The following CDYL2 variants were observed in gnomAD, a reference collection of about 807,000 sequenced individuals.
CDYL2 encodes the protein chromodomain Y-like protein 2.
CDYL2 carries 23 observed loss-of-function variants against 49.4 expected under a neutral mutation model. The ratio of observed to expected loss-of-function variants is 0.47; its 90% CI spans 0.34 to 0.66. The LOEUF is 0.66. Ranked by LOEUF, CDYL2 falls within the 30% of genes least tolerant of loss-of-function variation. The probability of loss-of-function intolerance (pLI) is 0.01; values close to 1 mark genes in which losing one functional copy is unlikely to be tolerated. For missense variants in CDYL2, 678 were observed against 656.4 expected (o/e 1.03, Z -0.36); for synonymous variants, 360 against 268.8 (o/e 1.34, Z -3.32).
intron 1 of CDYL2, among the ~76,000 whole-genome samples, chr16:80,797,973 C>CA (rs1435507847): frequency 4.6e-5 from 7 of 152,148 alleles, no homozygotes; most frequent in African/African-American, 1.7e-4. Context: ...GACCCTTGAA[C>CA]AAAAGAGTTT....
chr16:80,657,852 A>G (rs8046128), intron 2 of CDYL2, among the ~76,000 whole-genome samples: 7,667 of 152,172 alleles, frequency 0.05, 576 homozygotes, highest in African/African-American at 0.16. Context: ...ATATGCATAA[A>G]ATTATTGTAG....
chr16:80,775,319 G>C (rs894300466), intron 1 of CDYL2, among the ~76,000 whole-genome samples: 3 of 151,684 alleles, frequency 2.0e-5, no homozygotes, highest in Admixed American at 2.0e-4. Context: ...AAATGCTTAA[G>C]GAAGTAGGTA....
At chr16:80,767,202 T>C (rs1201303171) in intron 1 of CDYL2, among the ~76,000 whole-genome samples, 1 of 152,122 alleles carries the variant, frequency 6.6e-6, no homozygotes, top group East Asian at 1.9e-4. Context: ...AGCAAATATG[T>C]AGACAGATTT....
chr16:80,713,281 C>G (rs146679636), intron 1 of CDYL2, among the ~76,000 whole-genome samples: 10 of 152,298 alleles, frequency 6.6e-5, no homozygotes, highest in Non-Finnish European at 1.3e-4. Context: ...ACAAAACAAG[C>G]TGTGAGAGGC....
intron 2 of CDYL2, among the ~76,000 whole-genome samples, chr16:80,661,871 G>A (rs1003509962): frequency 1.3e-5 from 2 of 152,158 alleles, no homozygotes; most frequent in Non-Finnish European, 2.9e-5. Context: ...GTATTCACCT[G>A]TGTGTCTGCA....
chr16:80,786,111 A>G lies in CDYL2; in HGVS notation c.24+18039T>C, dbSNP rs1260196716. ...TGGCAATAAAAGCCAAAATTGACAA[A>G]TGGAATCTAATTAAACTAAAGAGCT... On this transcript the variant is annotated intron_variant, in intron 1 of 6. Transcript: ENST00000570137. Among the ~76,000 whole-genome samples the G allele has an allele frequency of 2.0e-5, 3 of 152,362 alleles. No individual in the cohort carries two copies. The South Asian group carries it at 6.2e-4, about 32-fold the overall frequency.
intron 1 of CDYL2, among the ~76,000 whole-genome samples, chr16:80,794,953 T>A (rs965126716): frequency 2.6e-5 from 4 of 152,168 alleles, no homozygotes; most frequent in Non-Finnish European, 4.4e-5. Flanking sequence ...GTAGCCCTAG[T>A]ACCACCATAG....
chr16:80,631,301 T>A (rs1439679990), intron 3 of CDYL2, among the ~76,000 whole-genome samples: 1 of 152,198 alleles, frequency 6.6e-6, no homozygotes, highest in Non-Finnish European at 1.5e-5. Flanking sequence ...TCAGTGGCTG[T>A]CATCACTGTT....
rs977194498 is a variant in CDYL2, at chr16:80,621,467, G to A, written c.835-532C>T. Reference sequence around the variant, plus strand: ...CAGACCTGGGTTCAGTGTCCCACTGGAGTTCCAAGCCCCTGGTCCAAATTC... The same window carrying A: ...CAGACCTGGGTTCAGTGTCCCACTGAAGTTCCAAGCCCCTGGTCCAAATTC... On this transcript the variant is annotated intron_variant, in intron 3 of 6. Transcript: ENST00000570137. Among the ~76,000 whole-genome samples, 7 of 152,364 alleles carry A rather than the reference G, an allele frequency of 4.6e-5. No homozygotes were observed. In the East Asian group the frequency reaches 9.6e-4, roughly 21 times the overall value.
chr16:80,707,156 T>A (rs1483808085), intron 1 of CDYL2, among the ~76,000 whole-genome samples: 2 of 152,038 alleles, frequency 1.3e-5, no homozygotes, highest in South Asian at 4.1e-4. Context: ...AAAAAGAAAA[T>A]TTTTAGACAA....
At chr16:80,751,605 G>T (rs553454317) in intron 1 of CDYL2, among the ~76,000 whole-genome samples, 20 of 152,198 alleles carry the variant, frequency 1.3e-4, no homozygotes, top group Non-Finnish European at 2.6e-4. Flanking sequence ...CACTATGCAC[G>T]TGTTTTTCCT....
At chr16:80,687,525 G>C (rs1285291879) in intron 1 of CDYL2, among the ~76,000 whole-genome samples, 1 of 152,002 alleles carries the variant, frequency 6.6e-6, no homozygotes, top group South Asian at 2.1e-4. Flanking sequence ...TGGGTGACTA[G>C]ATGGATAAAT....
At chr16:80,790,443 A>G (rs1209533598) in intron 1 of CDYL2, among the ~76,000 whole-genome samples, 1 of 152,190 alleles carries the variant, frequency 6.6e-6, no homozygotes, top group Non-Finnish European at 1.5e-5. Flanking sequence ...AAGTCCATAT[A>G]TTTTTGCATC....
At position 80,603,115 on chromosome 16, in the gene CDYL2, T is replaced by G. The variant is rs1210286643; in HGVS notation, c.*1273A>C. The G allele has an allele frequency of 1.3e-5, 2 of 152,200 alleles. No homozygotes were observed. Among genetic ancestry groups the G allele is most frequent in the African/African-American group, 2.4e-5 (1 of 41,444 alleles). The allele number at this position is 152,200 out of a possible 1,614,324, so 9.4% of individuals were successfully genotyped here. On this transcript the variant is annotated 3_prime_UTR_variant, in exon 7 of 7. Coordinates refer to ENST00000570137, the MANE Select transcript of CDYL2 (RefSeq NM_152342.4). ...AAAACAGATGAGTCATTTCAGCTTC[T>G]GGAGGGAAAAGATTCAGACCTCCAG...
At chr16:80,764,598 G>A (rs1478799062) in intron 1 of CDYL2, among the ~76,000 whole-genome samples, 1 of 152,134 alleles carries the variant, frequency 6.6e-6, no homozygotes, top group African/African-American at 2.4e-5. Context: ...AAAGAATATA[G>A]AGGTGAAAAA....
chr16:80,614,481 C>A (rs1222499098), intron 4 of CDYL2, among the ~76,000 whole-genome samples: 3 of 152,244 alleles, frequency 2.0e-5, no homozygotes, highest in Non-Finnish European at 4.4e-5. Context: ...CAGCCACAGG[C>A]TGATGGTGAC....
intron 2 of CDYL2, among the ~76,000 whole-genome samples, chr16:80,649,022 C>G (rs1908473953): frequency 6.6e-6 from 1 of 152,094 alleles, no homozygotes; most frequent in African/African-American, 2.4e-5. Context: ...TATAACAGAA[C>G]AGCTAGTATC....
intron 1 of CDYL2, among the ~76,000 whole-genome samples, chr16:80,737,692 C>A (rs373177318): frequency 6.6e-6 from 1 of 152,330 alleles, no homozygotes; most frequent in East Asian, 1.9e-4. Context: ...TGTTAAGACA[C>A]AGATGGCTGG....
intron 2 of CDYL2, among the ~76,000 whole-genome samples, chr16:80,654,893 A>G (rs1908739442): frequency 6.6e-6 from 1 of 152,194 alleles, no homozygotes; most frequent in Non-Finnish European, 1.5e-5. Context: ...GTCTAATTAC[A>G]AGGCTTGTGT....
Sources: allele counts gnomAD v4.1 joint callset (sites outside exome capture counted in the v4.1 genomes callset), GRCh38; gene constraint gnomAD v4.1.1; transcripts MANE v1.5; gene names NCBI Gene and HGNC (gene_info 2026-07-23, HGNC 2026-07-21).